RNLS: variants seen among roughly 807,000 people sequenced by gnomAD.
RNLS encodes renalase, FAD dependent amine oxidase, also known as renalase.
Under a neutral mutation model 39.8 loss-of-function variants are expected in RNLS, and 39 were observed. The ratio of observed to expected loss-of-function variants is 0.98; its 90% CI spans 0.76 to 1.28. The LOEUF is 1.28. RNLS is among the 50% of genes most tolerant of loss of function. RNLS has a pLI of 0.00. For missense variants in RNLS, 410 were observed against 413.3 expected (o/e 0.99, Z 0.07); for synonymous variants, 147 against 150.7 (o/e 0.98, Z 0.18).
chr10:88,398,664 G>C (rs1445433934), intron 4 of RNLS, among the ~76,000 whole-genome samples: 8 of 151,982 alleles, frequency 5.3e-5, no homozygotes, highest in Non-Finnish European at 7.4e-5. Flanking sequence ...AGATATGAAT[G>C]TAAGAGCAAA....
intron 4 of RNLS, among the ~76,000 whole-genome samples, chr10:88,400,249 A>G (rs1852828733): frequency 6.6e-6 from 1 of 152,020 alleles, no homozygotes; most frequent in African/African-American, 2.4e-5. Context: ...GGGGTTTCAT[A>G]GGATTGAAAA....
the RNLS span, among the ~76,000 whole-genome samples, chr10:88,196,013 G>A: frequency 3.8e-3 from 582 of 152,246 alleles, no homozygotes; most frequent in Middle Eastern, 6.8e-3. Context: ...TTAGGATGGC[G>A]TCTGTGTTTA....
the RNLS span, among the ~76,000 whole-genome samples, chr10:88,196,969 T>A: frequency 6.6e-6 from 1 of 152,228 alleles, no homozygotes. Context: ...CAGTGACATG[T>A]TGCTAGACAT....
At chr10:88,264,834 G>C in the RNLS span, among the ~76,000 whole-genome samples, 2 of 152,160 alleles carry the variant, frequency 1.3e-5, no homozygotes, top group African/African-American at 2.4e-5. Flanking sequence ...AAACTTACCA[G>C]TTTAATTGAG....
At chr10:88,484,378 A>G (rs1844371487) in intron 4 of RNLS, among the ~76,000 whole-genome samples, 1 of 152,060 alleles carries the variant, frequency 6.6e-6, no homozygotes, top group South Asian at 2.1e-4. Flanking sequence ...GCAGAATCTG[A>G]TATTTAAATG....
chr10:88,212,680 A>G, the RNLS span, among the ~76,000 whole-genome samples: 1 of 152,320 alleles, frequency 6.6e-6, no homozygotes, highest in Non-Finnish European at 1.5e-5. Context: ...TGAGGATTGA[A>G]TGTACTAGAA....
intron 4 of RNLS, among the ~76,000 whole-genome samples, chr10:88,528,894 T>C (rs1589961509): frequency 6.6e-6 from 1 of 150,874 alleles, no homozygotes; most frequent in African/African-American, 2.4e-5. Context: ...AAGTAATGTC[T>C]CCAGAAAAAT....
the RNLS span, among the ~76,000 whole-genome samples, chr10:88,230,258 A>T: frequency 2.0e-5 from 3 of 152,108 alleles, no homozygotes; most frequent in African/African-American, 7.2e-5. Flanking sequence ...AAAACAAAAA[A>T]CAAAGTAACA....
chr10:88,437,955 C>T (rs1050366604), intron 4 of RNLS, among the ~76,000 whole-genome samples: 31 of 151,908 alleles, frequency 2.0e-4, no homozygotes, highest in Non-Finnish European at 4.6e-4. Context: ...GGAGAAACCC[C>T]GTCTCTACTA....
In RNLS at chr10:88,581,787, A is replaced by G. The variant is rs1850581621; in HGVS notation, c.225-78T>C. On this transcript the variant is annotated intron_variant, in intron 2 of 6. Coordinates refer to ENST00000331772, the MANE Select transcript of RNLS (RefSeq NM_001031709.3). ...TAAAAGACTATATTTTCTTTCAATA[A>G]TTCTCAGAGGTTATAATTCAAAATC... The G allele has an allele frequency of 2.4e-5, 23 of 944,480 alleles. No homozygotes were observed. In the East Asian group the frequency reaches 6.8e-4, roughly 28 times the overall value. 58.5% of individuals were successfully genotyped at this position (944,480 alleles called of 1,614,324 possible). A position where few individuals can be genotyped will look rare whatever the true frequency, so the allele number is the denominator to read the frequency against.
At chr10:88,194,751 G>T in the RNLS span, among the ~76,000 whole-genome samples, 1 of 152,050 alleles carries the variant, frequency 6.6e-6, no homozygotes, top group Non-Finnish European at 1.5e-5. Context: ...ACTCCCAAGG[G>T]GATTCTTATG....
At chr10:88,502,748 C>T (rs1845577356) in intron 4 of RNLS, among the ~76,000 whole-genome samples, 1 of 152,096 alleles carries the variant, frequency 6.6e-6, no homozygotes, top group African/African-American at 2.4e-5. Context: ...AGAAGAAGGG[C>T]TACACATTAG....
intron 4 of RNLS, among the ~76,000 whole-genome samples, chr10:88,382,396 C>A (rs540662398): frequency 6.6e-6 from 1 of 152,092 alleles, no homozygotes; most frequent in East Asian, 1.9e-4. Context: ...TCACCAGTAA[C>A]CAATAGTCAT....
At chr10:88,249,781 GCT>G in the RNLS span, among the ~76,000 whole-genome samples, 31 of 152,180 alleles carry the variant, frequency 2.0e-4, no homozygotes, top group African/African-American at 7.5e-4. Flanking sequence ...ACAAGCTGAA[GCT>G]CTCTTTTATG....
chr10:88,431,047 A>G (rs1215673017), intron 4 of RNLS, among the ~76,000 whole-genome samples: 1 of 151,626 alleles, frequency 6.6e-6, no homozygotes, highest in Non-Finnish European at 1.5e-5. Context: ...ATTGTGTAGG[A>G]TTGGTATTAT....
chr10:88,572,758 A>T, intron 4 of RNLS, 145 bp downstream of exon 4: 1 of 796,206 alleles, frequency 1.3e-6, no homozygotes, highest in Non-Finnish European at 1.9e-6. Flanking sequence ...TAATATCATG[A>T]CGACGGCCGT....
At chr10:88,403,694 T>C (rs1853080124) in intron 4 of RNLS, among the ~76,000 whole-genome samples, 1 of 151,932 alleles carries the variant, frequency 6.6e-6, no homozygotes, top group Non-Finnish European at 1.5e-5. Context: ...AGGATTCTTG[T>C]AGCTTTTTTT....
intron 4 of RNLS, among the ~76,000 whole-genome samples, chr10:88,369,552 A>G (rs1185270739): frequency 6.6e-6 from 1 of 152,074 alleles, no homozygotes; most frequent in Non-Finnish European, 1.5e-5. Context: ...ATTGATTGGT[A>G]ACCTTTTCTT....
At chr10:88,302,577 A>T (rs1280524922) in intron 6 of RNLS, among the ~76,000 whole-genome samples, 4 of 152,182 alleles carry the variant, frequency 2.6e-5, no homozygotes, top group Non-Finnish European at 5.9e-5. Flanking sequence ...CATCCATTTG[A>T]TTTAAATGAG....
Sources: gnomAD v4.1 joint callset for allele counts (sites outside exome capture counted in the v4.1 genomes callset) on GRCh38, gnomAD v4.1.1 for gene constraint, MANE v1.5 for transcripts, NCBI Gene and HGNC (gene_info 2026-07-23, HGNC 2026-07-21) for gene names.